RAB3C: variants seen among roughly 807,000 people sequenced by gnomAD.
The protein encoded by RAB3C is ras-related protein Rab-3C.
In RAB3C, 17 loss-of-function variants were observed where a neutral mutation model predicts 26.4. The observed-to-expected ratio is 0.64, with a 90% confidence interval of 0.44 to 0.97. The LOEUF (loss-of-function observed/expected upper bound fraction) is 0.97, where lower values mean the gene tolerates loss of function less well. RAB3C is among the 50% of genes least tolerant of loss of function. The pLI is 0.00. For missense variants in RAB3C, 242 were observed against 281.9 expected (o/e 0.86, Z 1.01); for synonymous variants, 91 against 95.9 (o/e 0.95, Z 0.30).
intron 3 of RAB3C, among the ~76,000 whole-genome samples, chr5:58,795,289 G>A (rs1047071768): frequency 4.6e-5 from 7 of 152,096 alleles, no homozygotes; most frequent in Admixed American, 2.0e-4. Context: ...ACCCAGTTTC[G>A]GGTATGTCTT....
At chr5:58,610,600 A>G (rs1034963624) in intron 1 of RAB3C, among the ~76,000 whole-genome samples, 10 of 151,996 alleles carry the variant, frequency 6.6e-5, no homozygotes, top group African/African-American at 1.2e-4. Flanking sequence ...CTGCACTTCC[A>G]ATACATATAT....
intron 4 of RAB3C, among the ~76,000 whole-genome samples, chr5:58,846,099 T>G (rs1490097198): frequency 6.6e-6 from 1 of 152,210 alleles, no homozygotes; most frequent in Non-Finnish European, 1.5e-5. Flanking sequence ...TTCATTCATG[T>G]TATAACGTGT....
In RAB3C at chr5:58,693,353, T is replaced by TATATATATATATATATATATAC. The variant is rs911414778; in HGVS notation, c.253-32640_253-32639insTATATATATATACATATATATA. The stretch of plus-strand genomic sequence containing the variant: ...ATATATGTGTATATATATATATATA[T>TATATATATATATATATATATAC]ATATATATAAAATTTCTTAAAACCT... On this transcript the variant is annotated intron_variant, in intron 2 of 4. Transcript: ENST00000282878. Among the ~76,000 whole-genome samples, 38 of 142,258 alleles carry TATATATATATATATATATATAC rather than the reference T, an allele frequency of 2.7e-4. 1 individual carries two copies. Among genetic ancestry groups the TATATATATATATATATATATAC allele is most frequent in the African/African-American group, 1.0e-3 (37 of 36,998 alleles). The allele number at this position is 142,258 out of a possible 152,430, so 93.3% of individuals were successfully genotyped here.
At chr5:58,774,918 CT>C (rs1244987452) in intron 3 of RAB3C, among the ~76,000 whole-genome samples, 5 of 152,016 alleles carry the variant, frequency 3.3e-5, no homozygotes, top group Admixed American at 6.6e-5. Context: ...TCTTGAGGGC[CT>C]TGTGAAGCAT....
chr5:58,622,401 A>G (rs1220449188), intron 2 of RAB3C, among the ~76,000 whole-genome samples: 1 of 152,136 alleles, frequency 6.6e-6, no homozygotes, highest in Non-Finnish European at 1.5e-5. Context: ...GAGGCCCCAA[A>G]TGTCAAAGCA....
intron 2 of RAB3C, among the ~76,000 whole-genome samples, chr5:58,625,501 A>G (rs1426377274): frequency 6.6e-6 from 1 of 152,156 alleles, no homozygotes; most frequent in Non-Finnish European, 1.5e-5. Flanking sequence ...ATGATCCTCT[A>G]GTCAGCCCAA....
rs1478527340 is a variant in RAB3C, at chr5:58,693,334, G to GTATATATATATATATATATA, written c.253-32667_253-32666insATATATATATATATATATAT. Among the ~76,000 whole-genome samples, 103 of 83,798 alleles carry GTATATATATATATATATATA rather than the reference G, an allele frequency of 1.2e-3. 2 individuals are homozygous for GTATATATATATATATATATA. The highest frequency in any genetic ancestry group is 4.6e-3 in the African/African-American group (99 of 21,478). The allele number at this position is 83,798 out of a possible 152,430, so 55.0% of individuals were successfully genotyped here. ...TAAAATTAAGAAATTATATATATAT[G>GTATATATATATATATATATA]TGTATATATATATATATATATATAT... On this transcript the variant is annotated intron_variant, in intron 2 of 4. Transcript: ENST00000282878.
intron 4 of RAB3C, among the ~76,000 whole-genome samples, chr5:58,843,315 T>C (rs1270285266): frequency 1.3e-5 from 2 of 152,220 alleles, no homozygotes; most frequent in African/African-American, 4.8e-5. Context: ...AATAACTTCC[T>C]AATTGATAAT....
chr5:58,704,865 C>A (rs1229159129), intron 2 of RAB3C, among the ~76,000 whole-genome samples: 2 of 152,072 alleles, frequency 1.3e-5, no homozygotes, highest in Non-Finnish European at 2.9e-5. Flanking sequence ...AAGGCTGATT[C>A]TTGTTCACCA....
intron 3 of RAB3C, among the ~76,000 whole-genome samples, chr5:58,785,878 C>T (rs1251752024): frequency 2.6e-5 from 4 of 152,202 alleles, no homozygotes; most frequent in African/African-American, 4.8e-5. Flanking sequence ...TAATCAGTTT[C>T]AGAGTGCTGC....
intron 4 of RAB3C, among the ~76,000 whole-genome samples, chr5:58,841,416 G>A (rs899199041): frequency 2.0e-5 from 3 of 152,168 alleles, no homozygotes; most frequent in Non-Finnish European, 4.4e-5. Context: ...GTATCAGCTT[G>A]TTGGAAATAA....
chr5:58,845,559 C>T (rs531669465), intron 4 of RAB3C, among the ~76,000 whole-genome samples: 4 of 140,188 alleles, frequency 2.9e-5, no homozygotes, highest in African/African-American at 1.1e-4. Context: ...CTAAGGGCAA[C>T]GTACATTCTC....
intron 3 of RAB3C, among the ~76,000 whole-genome samples, chr5:58,750,529 T>C (rs550791662): frequency 5.3e-5 from 8 of 152,322 alleles, no homozygotes; most frequent in Non-Finnish European, 1.2e-4. Flanking sequence ...AAAATAGATA[T>C]AGAAACTCTA....
chr5:58,757,748 T>C (rs1741705849), intron 3 of RAB3C, among the ~76,000 whole-genome samples: 1 of 152,242 alleles, frequency 6.6e-6, no homozygotes, highest in South Asian at 2.1e-4. Flanking sequence ...TAGTATCTAG[T>C]TTCTCATCAA....
chr5:58,777,801 G>A (rs546844171), intron 3 of RAB3C, among the ~76,000 whole-genome samples: 40 of 150,358 alleles, frequency 2.7e-4, no homozygotes, highest in African/African-American at 9.8e-4. Context: ...TGTGTCCAAG[G>A]TTCTCATTGT....
At chr5:58,849,552 A>G (rs1744072078) in intron 4 of RAB3C, among the ~76,000 whole-genome samples, 1 of 152,210 alleles carries the variant, frequency 6.6e-6, no homozygotes, top group South Asian at 2.1e-4. Context: ...TAAAATGTAG[A>G]CTATAAGAGA....
intron 2 of RAB3C, among the ~76,000 whole-genome samples, chr5:58,649,936 T>A (rs1747608728): frequency 6.6e-6 from 1 of 152,354 alleles, no homozygotes; most frequent in South Asian, 2.1e-4. Flanking sequence ...CTGTTGTTTT[T>A]TCAGGCACTA....
chr5:58,811,484 G>C (rs1209152076), intron 3 of RAB3C, among the ~76,000 whole-genome samples: 1 of 122,754 alleles, frequency 8.1e-6, no homozygotes, highest in African/African-American at 3.5e-5. Context: ...GGTAAATGTC[G>C]TGTTGAAAGG....
intron 3 of RAB3C, among the ~76,000 whole-genome samples, chr5:58,757,516 C>G (rs908220393): frequency 1.3e-5 from 2 of 152,292 alleles, no homozygotes; most frequent in Admixed American, 6.5e-5. Context: ...TTCGTGATCA[C>G]TTTCAAGTTA....
Sources: gnomAD v4.1 joint callset for allele counts (sites outside exome capture counted in the v4.1 genomes callset) on GRCh38, gnomAD v4.1.1 for gene constraint, MANE v1.5 for transcripts, NCBI Gene and HGNC (gene_info 2026-07-23, HGNC 2026-07-21) for gene names.